The following ZNF331 variants were observed in gnomAD, a reference collection of about 807,000 sequenced individuals.
ZNF331 encodes zinc finger protein 331, also known as C2H2-like zinc finger protein rearranged in thyroid adenomas.
ZNF331 carries 2 observed loss-of-function variants against 7.0 expected under a neutral mutation model. That is an observed-to-expected ratio of 0.29 (90% CI 0.12 to 0.90). The LOEUF is 0.90. Ranked by LOEUF, ZNF331 falls within the 40% of genes least tolerant of loss-of-function variation. ZNF331 has a pLI of 0.58. For synonymous variants in ZNF331, 196 were observed against 205.4 expected, an observed-to-expected ratio of 0.95 and a Z score of 0.39; for missense variants, 432 against 587.7, an observed-to-expected ratio of 0.74 and a Z score of 2.74.
intron 2 of ZNF331, among the ~76,000 whole-genome samples, chr19:53,553,145 A>T (rs544304347): frequency 2.8e-4 from 42 of 152,172 alleles, no homozygotes; most frequent in Non-Finnish European, 4.6e-4. Flanking sequence ...CCATTATATA[A>T]CAGACTAATT....
chr19:53,548,082 A>G (rs2088738676), intron 2 of ZNF331, among the ~76,000 whole-genome samples: 1 of 151,862 alleles, frequency 6.6e-6, no homozygotes, highest in African/African-American at 2.4e-5. Flanking sequence ...GGCACATGCC[A>G]TCATGCCCGG....
chr19:53,517,642 C>T (rs1160964578), upstream of ZNF331, among the ~76,000 whole-genome samples: 2 of 151,962 alleles, frequency 1.3e-5, no homozygotes, highest in Non-Finnish European at 2.9e-5. Flanking sequence ...TTTGGTTTAT[C>T]TCTGATTTAT....
chr19:53,568,757 A>G (rs1031891888), intron 3 of ZNF331, among the ~76,000 whole-genome samples: 1 of 147,088 alleles, frequency 6.8e-6, no homozygotes, highest in African/African-American at 2.5e-5. Flanking sequence ...TTGAGGCGCA[A>G]AAAAAAAAAA....
chr19:53,508,325 A>G, the ZNF331 span, among the ~76,000 whole-genome samples: 1 of 151,660 alleles, frequency 6.6e-6, no homozygotes, highest in Non-Finnish European at 1.5e-5. Flanking sequence ...ACGCCAGCTG[A>G]CTCCAGCCGC....
intron 5 of ZNF331, among the ~76,000 whole-genome samples, chr19:53,572,375 C>A (rs1473560195): frequency 6.6e-6 from 1 of 151,852 alleles, no homozygotes; most frequent in Non-Finnish European, 1.5e-5. Context: ...TGCCTGTAAT[C>A]CCAGCTACTC....
At chr19:53,569,865 T>C (rs1045201089) in intron 4 of ZNF331, among the ~76,000 whole-genome samples, 4 of 152,184 alleles carry the variant, frequency 2.6e-5, no homozygotes, top group Non-Finnish European at 4.4e-5. Flanking sequence ...ACAGAGGTCA[T>C]GTTCCTGCCG....
At chr19:53,508,960 C>T in the ZNF331 span, among the ~76,000 whole-genome samples, 1 of 152,106 alleles carries the variant, frequency 6.6e-6, no homozygotes, top group Non-Finnish European at 1.5e-5. Context: ...GAGCAGTCAA[C>T]TTAGGTCCTA....
exon 1 of ZNF331, chr19:53,521,149 C>G (rs1401217980): frequency 2.0e-5 from 3 of 152,240 alleles, no homozygotes; most frequent in Non-Finnish European, 4.4e-5. Flanking sequence ...TGTTTCACCT[C>G]CTGATGTGCT....
At chr19:53,506,372 C>A in the ZNF331 span, among the ~76,000 whole-genome samples, 1 of 150,290 alleles carries the variant, frequency 6.7e-6, no homozygotes, top group African/African-American at 2.5e-5. Context: ...CACACCTCCC[C>A]CATTGTCCTG....
chr19:53,543,868 C>G (rs2088359609), intron 2 of ZNF331, among the ~76,000 whole-genome samples: 1 of 152,186 alleles, frequency 6.6e-6, no homozygotes, highest in East Asian at 1.9e-4. Flanking sequence ...TTAATTTCAT[C>G]AAAACATCTC....
rs547608070 is a variant in ZNF331, at chr19:53,573,112, C to G, written c.136+1382C>G. ...CGCACGCCTGTGATCTCAGCTACTC[C>G]GGAGGCTGGTGCAGGAGAATCATTT... is the stretch of plus-strand genomic sequence containing the variant. On this transcript the variant is annotated intron_variant, in intron 5 of 5. Transcript: ENST00000449416. The surrounding 1 kb of genome is among the most constrained non-coding windows in gnomAD (Gnocchi z 4.2). Among the ~76,000 whole-genome samples, 1 of 151,722 alleles carries G rather than the reference C, an allele frequency of 6.6e-6. No homozygotes were observed. Among genetic ancestry groups the G allele is most frequent in the South Asian group, 2.1e-4 (1 of 4,792 alleles).
chr19:53,571,116 C>G lies in ZNF331; in HGVS notation c.10-488C>G, dbSNP rs2090426484. Among the ~76,000 whole-genome samples, 1 of 151,410 alleles carries G rather than the reference C, an allele frequency of 6.6e-6. No homozygotes were observed. The highest frequency in any genetic ancestry group is 2.4e-5 in the African/African-American group (1 of 41,154). On this transcript the variant is annotated intron_variant, in intron 4 of 5. Transcript: ENST00000449416. The surrounding 1 kb of genome is among the most constrained non-coding windows in gnomAD (Gnocchi z 4.7). ...CCTCGTGATCCGCCTGCCTTGTTCT[C>G]GTGATCCGCCTGCCTTGGCCTCCCA... is the stretch of plus-strand genomic sequence containing the variant.
chr19:53,504,617 C>T, the ZNF331 span, among the ~76,000 whole-genome samples: 2 of 152,144 alleles, frequency 1.3e-5, no homozygotes, highest in South Asian at 2.1e-4. Flanking sequence ...GGGGAATGTG[C>T]GCAGATGCGA....
the ZNF331 span, among the ~76,000 whole-genome samples, chr19:53,504,517 CGGGA>C: frequency 6.6e-6 from 1 of 150,678 alleles, no homozygotes. Flanking sequence ...TAGAGGTTTT[CGGGA>C]GGAAGACACT....
rs112500620 is a variant in ZNF331, at chr19:53,539,072, G to C, written c.-204-144G>C. 2.0e-5 allele frequency: 3 copies of C among 152,250 alleles called. No individual in the cohort carries two copies. Among genetic ancestry groups the C allele is most frequent in the African/African-American group, 7.2e-5 (3 of 41,538 alleles). The allele number at this position is 152,250 out of a possible 1,614,324, so 9.4% of individuals were successfully genotyped here. A position where few individuals can be genotyped will look rare whatever the true frequency, so the allele number is the denominator to read the frequency against. On this transcript the variant is annotated intron_variant, in intron 1 of 5. Transcript: ENST00000449416. This position sits in a 1 kb window ranked among gnomAD's most constrained non-coding sequence, Gnocchi z 6.1. Reference sequence around the variant, plus strand: ...AGGTCCCTGATGTGGGAGACAGGGAGGGGGGCAGCTCCACGCGTCATCATC... The same window carrying C: ...AGGTCCCTGATGTGGGAGACAGGGACGGGGGCAGCTCCACGCGTCATCATC...
intron 4 of ZNF331, 139 bp downstream of exon 4, chr19:53,569,524 A>G: frequency 1.0e-6 from 1 of 986,280 alleles, no homozygotes; most frequent in Non-Finnish European, 1.5e-6. Flanking sequence ...CCAGTGAATG[A>G]TAATGCCACG....
At chr19:53,565,054 G>C (rs1453009912) in intron 3 of ZNF331, among the ~76,000 whole-genome samples, 1 of 152,192 alleles carries the variant, frequency 6.6e-6, no homozygotes, top group Non-Finnish European at 1.5e-5. Context: ...TTTGTTCAGT[G>C]CCTGCAATAT....
At chr19:53,535,693 T>C (rs2147284307), upstream of ZNF331, among the ~76,000 whole-genome samples, 1 of 152,274 alleles carries the variant, frequency 6.6e-6, no homozygotes, top group Non-Finnish European at 1.5e-5. Context: ...CTTACAAATA[T>C]GGACTTTGGA....
intron 2 of ZNF331, among the ~76,000 whole-genome samples, chr19:53,541,110 CT>C (rs56706446): frequency 5.5e-4 from 77 of 139,380 alleles, no homozygotes; most frequent in Admixed American, 9.3e-4. Flanking sequence ...TATTTCTTTT[CT>C]TTTTTTTTTT....
Sources: allele counts gnomAD v4.1 joint callset (sites outside exome capture counted in the v4.1 genomes callset), GRCh38; gene constraint gnomAD v4.1.1; non-coding constraint Gnocchi (gnomAD v3.1); transcripts MANE v1.5; gene names NCBI Gene and HGNC (gene_info 2026-07-23, HGNC 2026-07-21).